Variants in EIF5A2 observed in about 807,000 individuals in gnomAD.
EIF5A2 encodes eukaryotic translation initiation factor 5A-2.
In EIF5A2, 15 loss-of-function variants were observed where a neutral mutation model predicts 16.4. The observed-to-expected ratio is 0.92, with a 90% CI of 0.61 to 1.41. The LOEUF (loss-of-function observed/expected upper bound fraction) is 1.41. Among genes scored for constraint, EIF5A2 ranks in the 40% most tolerant of loss-of-function variants. The pLI is 0.00. For synonymous variants in EIF5A2, 48 were observed against 61.1 expected (o/e 0.79, Z 1.00); for missense variants, 144 against 189.5 (o/e 0.76, Z 1.41).
chr3:170,901,753 G>T (rs1452840508), intron 3 of EIF5A2, among the ~76,000 whole-genome samples: 3 of 152,104 alleles, frequency 2.0e-5, no homozygotes, highest in Non-Finnish European at 4.4e-5. Context: ...TGCCTTCTTA[G>T]TTCTAATTTC....
Position 170,905,371 on chromosome 3 carries a change from G to C in EIF5A2, c.270+1618C>G, listed in dbSNP as rs1712911853. On this transcript the variant is annotated intron_variant, in intron 3 of 4. Transcript: ENST00000295822. ...AAGTCTTGAGCTCCAATCAATGACT[G>C]GCTAACCTTATCATAGTATAATAGT... 1.3e-5 allele frequency among the ~76,000 whole-genome samples: 2 copies of C among 152,130 alleles called. 1 individual carries two copies. The highest frequency in any genetic ancestry group is 1.3e-4 in the Admixed American group (2 of 15,272).
intron 1 of EIF5A2, 91 bp from the exon 2 acceptor site, chr3:170,907,932 G>T: frequency 9.8e-7 from 1 of 1,016,090 alleles, no homozygotes; most frequent in Non-Finnish European, 1.4e-6. Flanking sequence ...AAGCATCATG[G>T]GCCCGTTATT....
chr3:170,901,888 T>G (rs1382524647), intron 3 of EIF5A2, among the ~76,000 whole-genome samples: 1 of 152,196 alleles, frequency 6.6e-6, no homozygotes, highest in Non-Finnish European at 1.5e-5. Context: ...TTCCTTAGAG[T>G]TGCTGGTCCC....
In EIF5A2 at chr3:170,891,547, ATCT is replaced by A. The variant is rs3839092; in HGVS notation, c.*1810_*1812del. The A allele has an allele frequency of 0.023, 3,578 of 152,704 alleles. 155 individuals carry two copies. The highest frequency in any genetic ancestry group is 0.19 in the East Asian group (1,006 of 5,172). The allele number at this position is 152,704 out of a possible 1,614,324, so 9.5% of individuals were successfully genotyped here. Reference sequence around the variant, plus strand: ...ACAAATTAAGCAACTAAAACTTGGGATCTTCTGTTACTAATGCTATTTCCAGTC... The same window carrying A: ...ACAAATTAAGCAACTAAAACTTGGGATCTGTTACTAATGCTATTTCCAGTC... On this transcript the variant is annotated 3_prime_UTR_variant, in exon 5 of 5. Transcript: ENST00000295822.
In EIF5A2 at chr3:170,890,389, T is replaced by A. The variant is rs1218424552; in HGVS notation, c.*2971A>T. 6.6e-6 allele frequency: 1 copy of A among 152,122 alleles called. No homozygotes were observed. The highest frequency in any genetic ancestry group is 1.9e-4 in the East Asian group (1 of 5,204). The allele number at this position is 152,122 out of a possible 1,614,324, so 9.4% of individuals were successfully genotyped here. Reference sequence around the variant, plus strand: ...ATATCATGCTCTGATGCAGGAGAGTTTTGGTAATTAACATAAAGCGCTGGT... The same window carrying A: ...ATATCATGCTCTGATGCAGGAGAGTATTGGTAATTAACATAAAGCGCTGGT... On this transcript the variant is annotated 3_prime_UTR_variant, in exon 5 of 5. Transcript: ENST00000295822.
At position 170,890,434 on chromosome 3, in the gene EIF5A2, A is replaced by C. The variant is rs896171955; in HGVS notation, c.*2926T>G. ...GCTGGTACAGAGACTTGTATCATTA[A>C]GGGAAACAGAGTCAAGAGCTTGGTT... is the stretch of plus-strand genomic sequence containing the variant. On this transcript the variant is annotated 3_prime_UTR_variant, in exon 5 of 5. Transcript: ENST00000295822. 2 of 152,130 alleles carry C rather than the reference A, an allele frequency of 1.3e-5. No homozygotes were observed. The highest frequency in any genetic ancestry group is 4.8e-5 in the African/African-American group (2 of 41,462). The allele number at this position is 152,130 out of a possible 1,614,324, so 9.4% of individuals were successfully genotyped here. A position where few individuals can be genotyped will look rare whatever the true frequency, so the allele number is the denominator to read the frequency against.
intron 3 of EIF5A2, among the ~76,000 whole-genome samples, chr3:170,897,900 C>T (rs1284607041): frequency 6.6e-6 from 1 of 152,182 alleles, no homozygotes; most frequent in East Asian, 1.9e-4. Flanking sequence ...GAGGCTGTAC[C>T]CTGTAGAGCC....
At chr3:170,894,476 G>A in intron 3 of EIF5A2, 53 bp from the exon 4 acceptor site, 1 of 1,545,358 alleles carries the variant, frequency 6.5e-7, no homozygotes, top group South Asian at 1.2e-5. Context: ...CCACTTCTGT[G>A]TAATGCTTAC....
chr3:170,904,336 A>C (rs1339949601), intron 3 of EIF5A2, among the ~76,000 whole-genome samples: 1 of 152,242 alleles, frequency 6.6e-6, no homozygotes, highest in Non-Finnish European at 1.5e-5. Context: ...AACAGAATAC[A>C]TATTTCTCTT....
chr3:170,895,895 C>T (rs1429888533), intron 3 of EIF5A2, among the ~76,000 whole-genome samples: 1 of 152,156 alleles, frequency 6.6e-6, no homozygotes, highest in Non-Finnish European at 1.5e-5. Context: ...AGGCTGGCCT[C>T]GAACTCCTGG....
chr3:170,898,013 C>T (rs1374997972), intron 3 of EIF5A2, among the ~76,000 whole-genome samples: 3 of 152,220 alleles, frequency 2.0e-5, no homozygotes, highest in Non-Finnish European at 2.9e-5. Flanking sequence ...AGCTTTAAGA[C>T]TGAATGGCTA....
rs116305447 is a variant in EIF5A2 at position 170,892,579 on chromosome 3, A to G, written c.*781T>C. The G allele has an allele frequency of 0.032, 12,650 of 394,336 alleles. 265 individuals carry two copies. The highest frequency in any genetic ancestry group is 0.061 in the Middle Eastern group (95 of 1,568). 24.4% of individuals were successfully genotyped at this position (394,336 alleles called of 1,614,324 possible). ...GTTGGGGGCAAAGTTAAAAGCAAAAACAACTGAGAAACAACTTTTCATTTT... is the reference window on the plus strand; with the variant it reads ...GTTGGGGGCAAAGTTAAAAGCAAAAGCAACTGAGAAACAACTTTTCATTTT... On this transcript the variant is annotated 3_prime_UTR_variant, in exon 5 of 5. Transcript: ENST00000295822.
Position 170,904,663 on chromosome 3 carries a change from AT to A in EIF5A2, c.270+2325del, listed in dbSNP as rs907501397. Among the ~76,000 whole-genome samples, 589 of 148,516 alleles carry A rather than the reference AT, an allele frequency of 4.0e-3. 1 individual carries two copies. Among genetic ancestry groups the A allele is most frequent in the African/African-American group, 0.013 (515 of 40,682 alleles). On this transcript the variant is annotated intron_variant, in intron 3 of 4. Transcript: ENST00000295822. ...CTGTGTACACCACCATGCCTCGCTA[AT>A]TTTTTTTTTTCTGTATTTTGTAAAG... is the stretch of plus-strand genomic sequence containing the variant.
rs920604796 is a variant in EIF5A2 at position 170,891,194 on chromosome 3, T to C, written c.*2166A>G. The C allele has an allele frequency of 6.6e-6, 1 of 152,550 alleles. No individual in the cohort carries two copies. Among genetic ancestry groups the C allele is most frequent in the African/African-American group, 2.4e-5 (1 of 41,454 alleles). 9.4% of individuals were successfully genotyped at this position (152,550 alleles called of 1,614,324 possible). On this transcript the variant is annotated 3_prime_UTR_variant, in exon 5 of 5. Coordinates refer to ENST00000295822, the MANE Select transcript of EIF5A2 (RefSeq NM_020390.6). ...ACACCAGCATGGTTAAGAGGGGCCA[T>C]ATGAATGAACTGCAAGCAGCACGGA... is the stretch of plus-strand genomic sequence containing the variant.
chr3:170,894,419 A>G lies in EIF5A2; in HGVS notation c.275T>C (p.Ile92Thr), dbSNP rs760398665. Residue 92 changes from isoleucine (I) to threonine (T), a missense_variant, in exon 4 of 5, where the codon ATA becomes ACA. Coordinates refer to ENST00000295822, the MANE Select transcript of EIF5A2 (RefSeq NM_020390.6). ...PNIKRNDYQLICIQDGYLSLL... is the reference protein window; with the variant it reads ...PNIKRNDYQLTCIQDGYLSLL... ...GGAAAGGTAACCATCTTGAATGCAT[A>G]TCAGCTATTAGAAGAAATTATATCA... The G allele has an allele frequency of 6.2e-7, 1 of 1,613,796 alleles. No homozygotes were observed. Among genetic ancestry groups the G allele is most frequent in the East Asian group, 2.2e-5 (1 of 44,822 alleles).
At chr3:170,906,791 T>C (rs1306005387) in intron 3 of EIF5A2, among the ~76,000 whole-genome samples, 198 bp downstream of exon 3, 1 of 152,156 alleles carries the variant, frequency 6.6e-6, no homozygotes, top group East Asian at 1.9e-4. Flanking sequence ...GTGAAAAAAA[T>C]AGCAAACTAG....
chr3:170,894,409 T>C lies in EIF5A2; in HGVS notation c.285A>G (p.Gln95=). Residue 95 remains glutamine (Q), a synonymous_variant, in exon 4 of 5, where the codon CAA becomes CAG. Transcript: ENST00000295822. The part of the protein sequence containing the change: ...KRNDYQLICI[Q]DGYLSLLTET... Reference sequence around the variant, plus strand: ...CTGTCAGCAGGGAAAGGTAACCATCTTGAATGCATATCAGCTATTAGAAGA... The same window carrying C: ...CTGTCAGCAGGGAAAGGTAACCATCCTGAATGCATATCAGCTATTAGAAGA... 3.1e-6 allele frequency: 5 copies of C among 1,613,960 alleles called. No homozygotes were observed. Among genetic ancestry groups the C allele is most frequent in the Non-Finnish European group, 4.2e-6 (5 of 1,179,902 alleles).
intron 3 of EIF5A2, among the ~76,000 whole-genome samples, chr3:170,901,590 G>A (rs35373262): frequency 0.24 from 36,050 of 148,330 alleles, 4,421 homozygotes; most frequent in Middle Eastern, 0.28. Context: ...GATGGAGTCT[G>A]GCTCTGTCGC....
In EIF5A2 at chr3:170,899,682, T is replaced by C. The variant is rs566569620; in HGVS notation, c.271-5259A>G. On this transcript the variant is annotated intron_variant, in intron 3 of 4. Transcript: ENST00000295822. ...CTGACTAAGGTAGTTATCTGCCAGA[T>C]TTTTCCACTCCAAAGTTACACTTTC... 1.2e-4 allele frequency among the ~76,000 whole-genome samples: 19 copies of C among 152,106 alleles called. 1 individual carries two copies. The highest frequency in any genetic ancestry group is 4.6e-4 in the African/African-American group (19 of 41,494).
Sources: allele counts gnomAD v4.1 joint callset (sites outside exome capture counted in the v4.1 genomes callset), GRCh38; gene constraint gnomAD v4.1.1; transcripts MANE v1.5; gene names NCBI Gene and HGNC (gene_info 2026-07-23, HGNC 2026-07-21).